The following KIAA2012 variants were observed in gnomAD, a reference collection of about 807,000 sequenced individuals.
KIAA2012 encodes KIAA2012.
Under a neutral mutation model 150.6 loss-of-function variants are expected in KIAA2012, and 125 were observed. The ratio of observed to expected loss-of-function variants is 0.83; its 90% confidence interval spans 0.72 to 0.96. The LOEUF is 0.96. Among genes scored for constraint, KIAA2012 ranks in the 40% least tolerant of loss-of-function variants. The pLI is 0.00. For synonymous variants in KIAA2012, 462 were observed against 504.7 expected, an observed-to-expected ratio of 0.92 and a Z score of 1.13; for missense variants, 1,219 against 1,354.9, an observed-to-expected ratio of 0.90 and a Z score of 1.57.
chr2:202,155,502 T>G (rs1482874397), intron 14 of KIAA2012, among the ~76,000 whole-genome samples: 1 of 152,096 alleles, frequency 6.6e-6, no homozygotes, highest in African/African-American at 2.4e-5. Context: ...TCCTCAGAGC[T>G]TACTGAACTG....
At chr2:202,090,688 T>G in intron 2 of KIAA2012, 82 bp from the exon 3 acceptor site, 1 of 1,395,384 alleles carries the variant, frequency 7.2e-7, no homozygotes, top group Non-Finnish European at 9.4e-7. Context: ...GGGTTACTGA[T>G]GAAGATTGTG....
chr2:202,106,366 ATAAAT>A (rs1690190078), intron 9 of KIAA2012, among the ~76,000 whole-genome samples: 1 of 152,244 alleles, frequency 6.6e-6, no homozygotes, highest in Non-Finnish European at 1.5e-5. Flanking sequence ...TAATCTGTTT[ATAAAT>A]ATGTATTTAT....
chr2:202,199,919 A>G, intron 22 of KIAA2012, among the ~76,000 whole-genome samples: 1 of 94,664 alleles, frequency 1.1e-5, no homozygotes. Context: ...TGCCCCTCAT[A>G]ATTTTTTTTT....
chr2:202,121,965 GTAGA>G (rs1478572251), intron 11 of KIAA2012, among the ~76,000 whole-genome samples: 6 of 152,320 alleles, frequency 3.9e-5, no homozygotes, highest in South Asian at 2.1e-4. Flanking sequence ...GAAACGAGAA[GTAGA>G]TAGACAGAGA....
chr2:202,097,318 A>C (rs946037445), intron 4 of KIAA2012, 117 bp from the exon 5 acceptor site: 1 of 1,454,384 alleles, frequency 6.9e-7, no homozygotes, highest in African/African-American at 1.4e-5. Flanking sequence ...GAGGGGGAGC[A>C]AGGGAGGGCC....
At chr2:202,178,927 A>T (rs557909003) in intron 15 of KIAA2012, 2 of 219,400 alleles carry the variant, frequency 9.1e-6, no homozygotes, top group Non-Finnish European at 1.8e-5. Context: ...TGAAAAACAG[A>T]TTAACTGTAG....
In KIAA2012 at chr2:202,154,708, G is replaced by A. The variant is rs1691488879; in HGVS notation, c.1944G>A (p.Lys648=). 2 of 1,549,632 alleles carry A rather than the reference G, an allele frequency of 1.3e-6. No individual in the cohort carries two copies. Among genetic ancestry groups the A allele is most frequent in the South Asian group, 2.4e-5 (2 of 83,778 alleles). The change falls in exon 14 of 24, where the codon AAG becomes AAA. Residue 648 remains lysine, a synonymous_variant. Coordinates refer to ENST00000498697, the MANE Select transcript of KIAA2012 (RefSeq NM_001277372.4). The part of the protein sequence containing the change: ...AQQSLEAAAQ[K]TGEPQSCINK... ...AGTCCTTGGAGGCAGCAGCTCAGAA[G>A]ACAGGAGAGCCTCAAAGTTGTATAA... is the stretch of plus-strand genomic sequence containing the variant.
At chr2:202,139,968 G>A (rs1452192131) in intron 13 of KIAA2012, among the ~76,000 whole-genome samples, 7 of 152,154 alleles carry the variant, frequency 4.6e-5, no homozygotes, top group South Asian at 2.1e-4. Flanking sequence ...AGTGGCTCAC[G>A]CCTGTAATCC....
At chr2:202,179,686 G>T (rs1692076859) in intron 15 of KIAA2012, 1 of 661,628 alleles carries the variant, frequency 1.5e-6, no homozygotes, top group African/African-American at 1.8e-5. Flanking sequence ...TCCATTTGGA[G>T]TTTCTTTACT....
intron 2 of KIAA2012, among the ~76,000 whole-genome samples, chr2:202,076,314 A>G (rs549411671): frequency 6.8e-4 from 103 of 152,242 alleles, no homozygotes; most frequent in African/African-American, 2.3e-3. Flanking sequence ...TGTGGAATTA[A>G]TGACTTGGTC....
At chr2:202,125,869 C>T (rs1370308352) in intron 12 of KIAA2012, 1 of 448,664 alleles carries the variant, frequency 2.2e-6, no homozygotes, top group African/African-American at 2.1e-5. Context: ...GGATGATGAC[C>T]TGGAGACTTT....
intron 2 of KIAA2012, among the ~76,000 whole-genome samples, chr2:202,086,234 G>T (rs1436040675): frequency 1.3e-5 from 2 of 151,402 alleles, no homozygotes; most frequent in Non-Finnish European, 2.9e-5. Context: ...AACCTGCAAG[G>T]GTTCCTGTCC....
At chr2:202,196,186 C>CTTTTTTTTT (rs869092899) in intron 21 of KIAA2012, among the ~76,000 whole-genome samples, 29 of 79,674 alleles carry the variant, frequency 3.6e-4, no homozygotes, top group Non-Finnish European at 4.9e-4. Context: ...CTTTTCTTTT[C>CTTTTTTTTT]TTTTTTTTTT....
chr2:202,090,738 G>A (rs1218807938), intron 2 of KIAA2012, 32 bp from the exon 3 acceptor site: 2 of 1,530,542 alleles, frequency 1.3e-6, no homozygotes, highest in Admixed American at 2.0e-5. Flanking sequence ...GGGGTCAGCA[G>A]CTGTGCTGTT....
chr2:202,162,497 A>G (rs1199617), intron 14 of KIAA2012, among the ~76,000 whole-genome samples: 1 of 150,526 alleles, frequency 6.6e-6, no homozygotes, highest in Admixed American at 6.6e-5. Flanking sequence ...CTGGTCTCGA[A>G]CTCCTGACCT....
At chr2:202,201,750 T>C (rs1692530953) in intron 22 of KIAA2012, 2 of 1,397,870 alleles carry the variant, frequency 1.4e-6, no homozygotes, top group South Asian at 1.2e-5. Flanking sequence ...GCTTGGATGA[T>C]AGAGCTCTGA....
At chr2:202,136,582 C>A (rs1220904307) in intron 12 of KIAA2012, 1 of 152,458 alleles carries the variant, frequency 6.6e-6, no homozygotes, top group South Asian at 2.1e-4. Context: ...CCAGGCACTC[C>A]GGCAGCCCAG....
At chr2:202,095,195 CA>C (rs370342934) in intron 4 of KIAA2012, among the ~76,000 whole-genome samples, 6 of 150,162 alleles carry the variant, frequency 4.0e-5, no homozygotes, top group Middle Eastern at 3.4e-3. Context: ...TCATAGGGGC[CA>C]AAAAAAAATC....
chr2:202,113,665 G>A, intron 11 of KIAA2012: 1 of 533,544 alleles, frequency 1.9e-6, no homozygotes, highest in South Asian at 2.3e-5. Flanking sequence ...CATTTGGAGA[G>A]AGAAGTTCCA....
Sources: allele counts gnomAD v4.1 joint callset (sites outside exome capture counted in the v4.1 genomes callset), GRCh38; gene constraint gnomAD v4.1.1; transcripts MANE v1.5; gene names NCBI Gene and HGNC (gene_info 2026-07-23, HGNC 2026-07-21).